The following DOCK7 variants were observed in gnomAD, a reference collection of about 807,000 sequenced individuals.
DOCK7 encodes dedicator of cytokinesis protein 7.
A neutral mutation model predicts 271.0 loss-of-function variants in DOCK7; 138 were observed. The ratio of observed to expected loss-of-function variants is 0.51; its 90% CI spans 0.44 to 0.59. DOCK7 has a LOEUF of 0.59. DOCK7 is among the 20% of genes least tolerant of loss of function. The pLI, the probability that DOCK7 is intolerant of heterozygous loss-of-function variation, is 0.00. For synonymous variants in DOCK7, 823 were observed against 876.1 expected, an observed-to-expected ratio of 0.94 and a Z score of 1.07; for missense variants, 2,066 against 2,592.4, an observed-to-expected ratio of 0.80 and a Z score of 4.41.
At chr1:62,544,452 C>T (rs898169586) in intron 23 of DOCK7, among the ~76,000 whole-genome samples, 7 of 152,072 alleles carry the variant, frequency 4.6e-5, no homozygotes, top group South Asian at 2.1e-4. Context: ...TCTTATAGCA[C>T]GGGGATCATA....
intron 14 of DOCK7, 35 bp from the exon 15 acceptor site, chr1:62,586,659 A>G (rs531092149): frequency 1.1e-5 from 14 of 1,322,996 alleles, no homozygotes; most frequent in South Asian, 7.5e-5. Context: ...TAGTAAATAC[A>G]TATCTAAGAA....
chr1:62,636,509 TA>T, intron 8 of DOCK7, 27 bp downstream of exon 8: 1 of 1,538,308 alleles, frequency 6.5e-7, no homozygotes, highest in African/African-American at 1.4e-5. Context: ...TTATGACAAA[TA>T]ACTATGGTCA....
chr1:62,653,207 AC>A (rs1403180656), intron 4 of DOCK7, among the ~76,000 whole-genome samples: 1 of 152,154 alleles, frequency 6.6e-6, no homozygotes, highest in African/African-American at 2.4e-5. Context: ...TTGCTATTGC[AC>A]AGTTTATTAG....
intron 43 of DOCK7, chr1:62,484,037 T>A (rs532981322): frequency 6.6e-6 from 1 of 152,334 alleles, no homozygotes; most frequent in Non-Finnish European, 1.5e-5. Context: ...TCCTGTTCTA[T>A]CTTTTAACTG....
At chr1:62,687,966 G>A (rs1322389934) in intron 1 of DOCK7, among the ~76,000 whole-genome samples, 1 of 152,150 alleles carries the variant, frequency 6.6e-6, no homozygotes, top group Non-Finnish European at 1.5e-5. Flanking sequence ...GGAGGAGGCG[G>A]GCGCGCTGGA....
intron 44 of DOCK7, among the ~76,000 whole-genome samples, chr1:62,477,290 C>T (rs1202949920): frequency 6.6e-6 from 1 of 152,114 alleles, no homozygotes; most frequent in Non-Finnish European, 1.5e-5. Flanking sequence ...TCTAAAGATA[C>T]CTCACCTGGA....
At position 62,625,297 on chromosome 1, in the gene DOCK7, G is replaced by A. The variant is rs767392703; in HGVS notation, c.1387C>T (p.Arg463Ter). 5 of 1,613,774 alleles carry A rather than the reference G, an allele frequency of 3.1e-6. No homozygotes were observed. The highest frequency in any genetic ancestry group is 4.2e-6 in the Non-Finnish European group (5 of 1,179,938). Residue 463 changes from arginine (R) to a stop codon, truncating the protein, a stop_gained, in exon 12 of 50, where the codon CGA (arginine) becomes TGA (stop). Coordinates refer to ENST00000635253, the MANE Select transcript of DOCK7 (RefSeq NM_001367561.1). LOFTEE classifies it high-confidence loss of function. Reference protein sequence around the residue: ...GDDACNLTSFRPATLTVTNFF... With the variant: ...GDDACNLTSF ...TTTGTCACTGTGAGAGTAGCTGGTC[G>A]AAAGCTCGTCAAGTTACAAGCATCA... is the stretch of plus-strand genomic sequence containing the variant.
chr1:62,520,325 T>C (rs1051031173), intron 31 of DOCK7, among the ~76,000 whole-genome samples: 2 of 152,050 alleles, frequency 1.3e-5, no homozygotes, highest in African/African-American at 2.4e-5. Flanking sequence ...ACCTATAGAA[T>C]GGGAGAAAAA....
chr1:62,507,059 T>C (rs548816376), intron 35 of DOCK7, among the ~76,000 whole-genome samples: 4 of 152,138 alleles, frequency 2.6e-5, no homozygotes, highest in Non-Finnish European at 5.9e-5. Context: ...TCCACCCACC[T>C]CAGCTTCCCA....
chr1:62,489,653 T>C (rs983825115), intron 41 of DOCK7, among the ~76,000 whole-genome samples: 1 of 152,186 alleles, frequency 6.6e-6, no homozygotes, highest in Non-Finnish European at 1.5e-5. Flanking sequence ...ATATTTATAT[T>C]TCTATAATTT....
chr1:62,614,410 A>G (rs1384984547), intron 14 of DOCK7, among the ~76,000 whole-genome samples: 1 of 152,022 alleles, frequency 6.6e-6, no homozygotes, highest in East Asian at 1.9e-4. Flanking sequence ...AGCATCAAAT[A>G]GAATAAACAA....
chr1:62,625,019 T>C (rs999524824), intron 12 of DOCK7: 4 of 340,868 alleles, frequency 1.2e-5, no homozygotes, highest in African/African-American at 8.5e-5. Context: ...AAGATGGATT[T>C]TGATGCATTA....
chr1:62,631,838 T>C (rs1483155538), intron 10 of DOCK7, among the ~76,000 whole-genome samples: 1 of 152,080 alleles, frequency 6.6e-6, no homozygotes, highest in Non-Finnish European at 1.5e-5. Flanking sequence ...ATAACAACCA[T>C]GAGTTAAGAG....
chr1:62,477,597 G>A (rs759399734), intron 44 of DOCK7, 103 bp downstream of exon 44: 2 of 1,283,850 alleles, frequency 1.6e-6, no homozygotes, highest in East Asian at 5.1e-5. Flanking sequence ...AGTTTACTTG[G>A]CAAGATCTGG....
chr1:62,663,007 T>C lies in DOCK7; in HGVS notation c.144+18A>G. The C allele has an allele frequency of 1.3e-6, 2 of 1,585,730 alleles. No individual in the cohort carries two copies. The highest frequency in any genetic ancestry group is 1.7e-6 in the Non-Finnish European group (2 of 1,157,006). ...ATCATACACCAAGAAGAGACTATAT[T>C]TTGAATACGTTACTTACTGTGGTGT... is the stretch of plus-strand genomic sequence containing the variant. On this transcript the variant is annotated intron_variant, in intron 2 of 49. Transcript: ENST00000635253.
intron 14 of DOCK7, chr1:62,608,376 C>A (rs1651309975): frequency 6.6e-6 from 1 of 152,186 alleles, no homozygotes; most frequent in African/African-American, 2.4e-5. Context: ...CTCCTCTATG[C>A]CTTCCTAATG....
chr1:62,565,819 C>A (rs967616607), intron 18 of DOCK7, among the ~76,000 whole-genome samples: 1 of 152,150 alleles, frequency 6.6e-6, no homozygotes, highest in Non-Finnish European at 1.5e-5. Context: ...ATTGTCTCAG[C>A]CCAAAATCTC....
chr1:62,642,905 C>A (rs1656212288), intron 7 of DOCK7, among the ~76,000 whole-genome samples: 1 of 152,178 alleles, frequency 6.6e-6, no homozygotes, highest in Non-Finnish European at 1.5e-5. Context: ...AAATTCTTTG[C>A]AGATCCTCCC....
intron 4 of DOCK7, among the ~76,000 whole-genome samples, chr1:62,650,749 C>T (rs1374428124): frequency 5.3e-5 from 8 of 152,252 alleles, no homozygotes; most frequent in Admixed American, 2.6e-4. Context: ...AATGAGACAC[C>T]ATCTCACACC....
Sources: gnomAD v4.1 joint callset for allele counts (sites outside exome capture counted in the v4.1 genomes callset) on GRCh38, gnomAD v4.1.1 for gene constraint, MANE v1.5 for transcripts, NCBI Gene and HGNC (gene_info 2026-07-23, HGNC 2026-07-21) for gene names.